FSTL4: variants seen among roughly 807,000 people sequenced by gnomAD.
FSTL4 encodes the protein follistatin like 4, also known as follistatin-related protein 4.
A neutral mutation model predicts 78.2 loss-of-function variants in FSTL4; 28 were observed. That is an observed-to-expected ratio of 0.36 (90% CI 0.27 to 0.49). The LOEUF (loss-of-function observed/expected upper bound fraction) is 0.49. Among genes scored for constraint, FSTL4 ranks in the 20% least tolerant of loss-of-function variants. The pLI, the probability that FSTL4 is intolerant of heterozygous loss-of-function variation, is 0.98. For synonymous variants in FSTL4, 422 were observed against 440.5 expected, an observed-to-expected ratio of 0.96 and a Z score of 0.53; for missense variants, 922 against 1,084.9, an observed-to-expected ratio of 0.85 and a Z score of 2.11.
At chr5:133,467,123 T>C (rs891293622) in intron 3 of FSTL4, among the ~76,000 whole-genome samples, 1 of 151,884 alleles carries the variant, frequency 6.6e-6, no homozygotes, top group Non-Finnish European at 1.5e-5. Flanking sequence ...TGAATATGTA[T>C]GTGGGTGTGT....
the FSTL4 span, among the ~76,000 whole-genome samples, chr5:133,676,192 T>G: frequency 1.3e-5 from 2 of 152,206 alleles, no homozygotes; most frequent in Non-Finnish European, 2.9e-5. Context: ...AAGAAATATC[T>G]TATCTTAAGA....
intron 4 of FSTL4, among the ~76,000 whole-genome samples, chr5:133,370,495 C>T (rs1039855893): frequency 1.3e-5 from 2 of 151,998 alleles, no homozygotes; most frequent in African/African-American, 4.8e-5. Flanking sequence ...AGACAGGGGT[C>T]CCAGGCCTGA....
At chr5:133,499,923 G>A (rs1758455098) in intron 3 of FSTL4, among the ~76,000 whole-genome samples, 1 of 152,120 alleles carries the variant, frequency 6.6e-6, no homozygotes, top group Non-Finnish European at 1.5e-5. Context: ...CCCGCTCTGA[G>A]CACTCTCATC....
the FSTL4 span, among the ~76,000 whole-genome samples, chr5:133,797,624 G>A: frequency 6.6e-6 from 1 of 152,090 alleles, no homozygotes; most frequent in Admixed American, 6.5e-5. Context: ...TTTCTCTGGG[G>A]TCCTCTTGGC....
At chr5:133,522,318 A>T (rs149481173) in intron 3 of FSTL4, among the ~76,000 whole-genome samples, 2 of 152,230 alleles carry the variant, frequency 1.3e-5, no homozygotes, top group African/African-American at 4.8e-5. Context: ...ACTCCTATTA[A>T]ATTTCCCAAG....
In FSTL4 at chr5:133,320,880, G is replaced by A. The variant is rs565658004; in HGVS notation, c.410-4228C>T. Among the ~76,000 whole-genome samples, 4 of 152,006 alleles carry A rather than the reference G, an allele frequency of 2.6e-5. No homozygotes were observed. In the South Asian group the frequency reaches 6.3e-4, roughly 24 times the overall value. ...AAATTAGCCAGGCATGGTGGCGGGC[G>A]CCTGTGGTCCCAGCTACTCGGGAGG... On this transcript the variant is annotated intron_variant, in intron 4 of 15. Coordinates refer to ENST00000265342, the MANE Select transcript of FSTL4 (RefSeq NM_015082.2).
the FSTL4 span, among the ~76,000 whole-genome samples, chr5:133,829,159 G>A: frequency 2.6e-5 from 4 of 152,304 alleles, no homozygotes; most frequent in South Asian, 4.2e-4. Context: ...GGAGGCCAAG[G>A]TGGGAGGATC....
At chr5:133,404,515 C>T (rs1756310084) in intron 3 of FSTL4, among the ~76,000 whole-genome samples, 1 of 152,192 alleles carries the variant, frequency 6.6e-6, no homozygotes. Flanking sequence ...ATTTACTGAA[C>T]ATGGTCAGAA....
chr5:133,615,473 C>T (rs10074800), upstream of FSTL4, among the ~76,000 whole-genome samples: 2,964 of 152,234 alleles, frequency 0.019, 43 homozygotes, highest in Middle Eastern at 0.054. Context: ...TTTCCCAGAA[C>T]TTGTTTTCTC....
the FSTL4 span, among the ~76,000 whole-genome samples, chr5:133,698,649 A>C: frequency 6.6e-6 from 1 of 152,266 alleles, no homozygotes; most frequent in African/African-American, 2.4e-5. Flanking sequence ...CGTGCTTGGC[A>C]CAGCATCTGC....
At chr5:133,216,211 G>A (rs935420314) in intron 13 of FSTL4, among the ~76,000 whole-genome samples, 5 of 152,152 alleles carry the variant, frequency 3.3e-5, no homozygotes, top group African/African-American at 1.2e-4. Flanking sequence ...TTTAAAATAT[G>A]TCAAGAAACT....
Position 133,210,306 on chromosome 5 carries a change from A to G in FSTL4, c.1609-8T>C. The G allele has an allele frequency of 1.4e-6, 2 of 1,479,386 alleles. No homozygotes were observed. The highest frequency in any genetic ancestry group is 1.1e-5 in the South Asian group (1 of 88,242). 91.6% of individuals were successfully genotyped at this position (1,479,386 alleles called of 1,614,324 possible). A position where few individuals can be genotyped will look rare whatever the true frequency, so the allele number is the denominator to read the frequency against. ...AGGGTCCACACCTATGGACTTGAAA[A>G]AAAATAGTGACATGTTGTGAAAGCT... On this transcript the variant is annotated splice_polypyrimidine_tract_variant and splice_region_variant and intron_variant, in intron 13 of 15. Coordinates refer to ENST00000265342, the MANE Select transcript of FSTL4 (RefSeq NM_015082.2).
the FSTL4 span, among the ~76,000 whole-genome samples, chr5:133,763,987 C>T: frequency 2.6e-5 from 4 of 152,198 alleles, no homozygotes; most frequent in African/African-American, 9.6e-5. Flanking sequence ...TTCAGAAGTG[C>T]TTTGTGCTAC....
chr5:133,487,631 G>C (rs572159528), intron 3 of FSTL4, among the ~76,000 whole-genome samples: 1 of 152,270 alleles, frequency 6.6e-6, no homozygotes, highest in Non-Finnish European at 1.5e-5. Context: ...TTGATGACGA[G>C]TCCTCTCTCA....
chr5:133,755,734 G>T, the FSTL4 span, among the ~76,000 whole-genome samples: 1 of 152,364 alleles, frequency 6.6e-6, no homozygotes, highest in Admixed American at 6.5e-5. Flanking sequence ...AGCACTGGGA[G>T]CTGAGACTCA....
rs1295141551 is a variant in FSTL4, at chr5:133,496,880, A to G, written c.160+70306T>C. On this transcript the variant is annotated intron_variant, in intron 3 of 15. Transcript: ENST00000265342. ...CTAGTCTTGCTCTTGTCCTCCCTGT[A>G]CGTCCAGTTGGACTGCCCAAAGCCC... Among the ~76,000 whole-genome samples, 3 of 152,202 alleles carry G rather than the reference A, an allele frequency of 2.0e-5. No homozygotes were observed. In the South Asian group the frequency reaches 6.2e-4, roughly 32 times the overall value.
intron 4 of FSTL4, among the ~76,000 whole-genome samples, chr5:133,375,312 A>ATAT (rs1554109201): frequency 7.4e-5 from 10 of 134,690 alleles, no homozygotes; most frequent in African/African-American, 1.1e-4. Context: ...ATATATATAT[A>ATAT]AAAGACTCTA....
intron 13 of FSTL4, among the ~76,000 whole-genome samples, chr5:133,215,872 T>C (rs554346500): frequency 6.6e-6 from 1 of 152,346 alleles, no homozygotes; most frequent in East Asian, 1.9e-4. Context: ...TTTTTCATCT[T>C]TGCAGTCAAA....
intron 11 of FSTL4, among the ~76,000 whole-genome samples, chr5:133,221,916 T>TGTTTG (rs1561626896): frequency 7.6e-6 from 1 of 132,396 alleles, no homozygotes; most frequent in Non-Finnish European, 1.6e-5. Context: ...TTTTTTTTTT[T>TGTTTG]TTTTTTTTTT....
Sources: allele counts gnomAD v4.1 joint callset (sites outside exome capture counted in the v4.1 genomes callset), GRCh38; gene constraint gnomAD v4.1.1; transcripts MANE v1.5; gene names NCBI Gene and HGNC (gene_info 2026-07-23, HGNC 2026-07-21).